CDH13: variants seen among roughly 807,000 people sequenced by gnomAD.
The protein encoded by CDH13 is cadherin-13.
Under a neutral mutation model 63.8 loss-of-function variants are expected in CDH13, and 24 were observed. The observed-to-expected ratio is 0.38, with a 90% CI of 0.27 to 0.53. CDH13 has a LOEUF of 0.53. Among genes scored for constraint, CDH13 ranks in the 20% least tolerant of loss-of-function variants. The pLI, the probability that CDH13 is intolerant of heterozygous loss-of-function variation, is 0.85. For synonymous variants in CDH13, 503 were observed against 355.3 expected (o/e 1.42, Z -4.67); for missense variants, 1,049 against 903.1 (o/e 1.16, Z -2.07).
At chr16:83,018,536 C>G (rs111950040) in intron 2 of CDH13, among the ~76,000 whole-genome samples, 4,289 of 152,286 alleles carry the variant, frequency 0.028, 93 homozygotes, top group Non-Finnish European at 0.042. Context: ...TACCCAGTGA[C>G]AAGCACATTA....
chr16:82,633,892 G>A (rs76899460), intron 1 of CDH13, among the ~76,000 whole-genome samples: 6,088 of 152,250 alleles, frequency 0.04, 188 homozygotes, highest in Non-Finnish European at 0.061. Context: ...GTTTTCCATA[G>A]CTACAGACCC....
intron 1 of CDH13, among the ~76,000 whole-genome samples, chr16:82,715,875 A>C (rs2032334401): frequency 6.6e-6 from 1 of 152,186 alleles, no homozygotes; most frequent in South Asian, 2.1e-4. Context: ...GAAAATCCCC[A>C]GTCCAACTCC....
intron 10 of CDH13, among the ~76,000 whole-genome samples, chr16:83,742,277 C>T (rs1489093588): frequency 6.6e-6 from 1 of 152,190 alleles, no homozygotes; most frequent in African/African-American, 2.4e-5. Flanking sequence ...CCAGTAACCC[C>T]CACTGCGCTG....
rs569023821 is a variant in CDH13, at chr16:83,461,306, A to G, written c.782-25171A>G. Among the ~76,000 whole-genome samples, 24 of 152,298 alleles carry G rather than the reference A, an allele frequency of 1.6e-4. 1 individual carries two copies. In the South Asian group the frequency reaches 3.3e-3, roughly 21 times the overall value. ...AAGTATCAGCTATGTAACATTTATC[A>G]GGCATGAATCTTATCTCATTCAACA... On this transcript the variant is annotated intron_variant, in intron 6 of 13. Transcript: ENST00000567109.
chr16:83,252,921 A>G (rs759507717), intron 5 of CDH13, among the ~76,000 whole-genome samples: 19 of 152,122 alleles, frequency 1.2e-4, no homozygotes, highest in African/African-American at 3.6e-4. Flanking sequence ...GTGTCCTTGG[A>G]TGGTTGACCT....
At chr16:83,146,186 T>C (rs1191434229) in intron 4 of CDH13, among the ~76,000 whole-genome samples, 1 of 115,852 alleles carries the variant, frequency 8.6e-6, no homozygotes, top group African/African-American at 4.6e-5. Flanking sequence ...AGAGCAAGAC[T>C]CTGTCTCAAA....
At chr16:83,433,529 G>A (rs1386250984) in intron 6 of CDH13, among the ~76,000 whole-genome samples, 3 of 152,130 alleles carry the variant, frequency 2.0e-5, no homozygotes, top group Admixed American at 6.5e-5. Context: ...TTTACCAAAG[G>A]CAGCTGGCCT....
chr16:82,881,479 C>T (rs2040699769), intron 2 of CDH13, among the ~76,000 whole-genome samples: 2 of 152,142 alleles, frequency 1.3e-5, no homozygotes, highest in South Asian at 2.1e-4. Flanking sequence ...GCCTGTATAA[C>T]TCCATTACAA....
intron 2 of CDH13, among the ~76,000 whole-genome samples, chr16:82,878,392 C>T (rs1212170180): frequency 6.6e-6 from 1 of 151,532 alleles, no homozygotes; most frequent in African/African-American, 2.4e-5. Context: ...ATCTCTAAGA[C>T]AGCAAATGCC....
intron 1 of CDH13, among the ~76,000 whole-genome samples, chr16:82,707,103 G>A (rs2031556078): frequency 6.6e-6 from 1 of 152,204 alleles, no homozygotes. Flanking sequence ...TCACAGGCAG[G>A]TTGTTTTGCT....
chr16:83,104,671 T>C (rs2151608999), intron 3 of CDH13, among the ~76,000 whole-genome samples: 3 of 152,244 alleles, frequency 2.0e-5, no homozygotes, highest in Admixed American at 2.0e-4. Flanking sequence ...ATATTGTGAA[T>C]AACTCCCCAA....
rs1394229147 is a variant in CDH13, at chr16:82,651,099, G to A, written c.45+23962G>A. Among the ~76,000 whole-genome samples, 3 of 152,184 alleles carry A rather than the reference G, an allele frequency of 2.0e-5. No individual in the cohort carries two copies. In the South Asian group the frequency reaches 6.2e-4, roughly 32 times the overall value. Reference sequence around the variant, plus strand: ...TGAGAAAGACTATCAGTTTGAAGTTGTCCCTCCTGGGATAGAAATTTATCT... The same window carrying A: ...TGAGAAAGACTATCAGTTTGAAGTTATCCCTCCTGGGATAGAAATTTATCT... On this transcript the variant is annotated intron_variant, in intron 1 of 13. Coordinates refer to ENST00000567109, the MANE Select transcript of CDH13 (RefSeq NM_001257.5).
intron 3 of CDH13, among the ~76,000 whole-genome samples, chr16:83,035,923 A>G (rs916341686): frequency 6.6e-6 from 1 of 152,150 alleles, no homozygotes; most frequent in Non-Finnish European, 1.5e-5. Context: ...CTTACGTAAT[A>G]CTTACTATGT....
intron 5 of CDH13, among the ~76,000 whole-genome samples, chr16:83,283,324 C>G (rs1386807698): frequency 1.3e-5 from 2 of 152,190 alleles, no homozygotes; most frequent in Admixed American, 6.5e-5. Flanking sequence ...GGTACGGTGG[C>G]TTACTCCTGT....
At chr16:82,879,050 A>C in intron 2 of CDH13, among the ~76,000 whole-genome samples, 1 of 152,028 alleles carries the variant, frequency 6.6e-6, no homozygotes, top group East Asian at 1.9e-4. Context: ...ATGTGTTTCA[A>C]CTTATGGTCA....
At chr16:82,910,154 C>T (rs1296293474) in intron 2 of CDH13, among the ~76,000 whole-genome samples, 1 of 152,160 alleles carries the variant, frequency 6.6e-6, no homozygotes, top group East Asian at 1.9e-4. Context: ...TGTCTATGCT[C>T]ATCAGAATCC....
intron 1 of CDH13, among the ~76,000 whole-genome samples, chr16:82,700,242 G>T (rs2030817651): frequency 6.6e-6 from 1 of 152,172 alleles, no homozygotes; most frequent in South Asian, 2.1e-4. Context: ...TCCAAGAAGG[G>T]TTTAGAATGT....
intron 1 of CDH13, among the ~76,000 whole-genome samples, chr16:82,646,616 C>G (rs1018179097): frequency 6.6e-6 from 1 of 152,178 alleles, no homozygotes; most frequent in Non-Finnish European, 1.5e-5. Context: ...GAAGCCATTT[C>G]TTACCTGTCT....
chr16:83,779,128 C>A (rs546080892), intron 11 of CDH13, among the ~76,000 whole-genome samples: 2 of 151,934 alleles, frequency 1.3e-5, no homozygotes, highest in East Asian at 3.9e-4. Context: ...GTCTTAAGGC[C>A]GGATGCGGTG....
Sources: allele counts gnomAD v4.1 joint callset (sites outside exome capture counted in the v4.1 genomes callset), GRCh38; gene constraint gnomAD v4.1.1; transcripts MANE v1.5; gene names NCBI Gene and HGNC (gene_info 2026-07-23, HGNC 2026-07-21).